Variants in RFTN1 observed in about 807,000 individuals in gnomAD.
RFTN1 encodes the protein raftlin.
Under a neutral mutation model 46.5 loss-of-function variants are expected in RFTN1, and 26 were observed. The observed-to-expected ratio is 0.56, with a 90% CI of 0.41 to 0.78. RFTN1 has a LOEUF of 0.78. Ranked by LOEUF, RFTN1 falls within the 30% of genes least tolerant of loss-of-function variation. The pLI is 0.00. For missense variants in RFTN1, 693 were observed against 718.7 expected, an observed-to-expected ratio of 0.96 and a Z score of 0.41; for synonymous variants, 261 against 284.2, an observed-to-expected ratio of 0.92 and a Z score of 0.82.
intron 4 of RFTN1, among the ~76,000 whole-genome samples, chr3:16,396,445 C>T (rs1344159568): frequency 6.6e-6 from 1 of 152,206 alleles, no homozygotes; most frequent in Non-Finnish European, 1.5e-5. Context: ...TACAATTCCA[C>T]ACTGTCAACA....
At chr3:16,432,825 C>T (rs4685337) in intron 3 of RFTN1, among the ~76,000 whole-genome samples, 93,650 of 152,058 alleles carry the variant, frequency 0.62, 29,890 homozygotes, top group African/African-American at 0.8. Context: ...TGTGTGTTGA[C>T]GTAATGTGTG....
chr3:16,379,699 T>C (rs1271458688), intron 4 of RFTN1, among the ~76,000 whole-genome samples: 2 of 151,770 alleles, frequency 1.3e-5, no homozygotes, highest in Non-Finnish European at 2.9e-5. Flanking sequence ...TCTTCAAAAG[T>C]TAAAAAAAAC....
chr3:16,362,220 T>TA (rs2072878086), intron 6 of RFTN1, among the ~76,000 whole-genome samples: 1 of 152,228 alleles, frequency 6.6e-6, no homozygotes, highest in Non-Finnish European at 1.5e-5. Flanking sequence ...GTAAGAGCCC[T>TA]ATGGGTAAAC....
At chr3:16,464,140 G>A (rs1437880387) in intron 2 of RFTN1, among the ~76,000 whole-genome samples, 3 of 152,098 alleles carry the variant, frequency 2.0e-5, no homozygotes, top group Non-Finnish European at 4.4e-5. Flanking sequence ...TGTCTTGAAG[G>A]GAAAGCCAAC....
At chr3:16,350,235 C>A (rs1039801950) in intron 7 of RFTN1, 1 of 152,106 alleles carries the variant, frequency 6.6e-6, no homozygotes, top group Admixed American at 6.5e-5. Context: ...ATATATTATC[C>A]TTTGTTTAAC....
rs758887586 is a variant in RFTN1 at position 16,329,306 on chromosome 3, C to A, written c.1147-2430G>T. On this transcript the variant is annotated intron_variant, in intron 7 of 9. Coordinates refer to ENST00000334133, the MANE Select transcript of RFTN1 (RefSeq NM_015150.2). This position sits in a 1 kb window ranked among gnomAD's most constrained non-coding sequence, Gnocchi z 4.5. ...TTGCCTGATCTCAGGTATCCTGTTA[C>A]AACAGCACAAGTGGACCGAGACAGG... Among the ~76,000 whole-genome samples the A allele has an allele frequency of 2.0e-5, 3 of 152,028 alleles. No homozygotes were observed. Among genetic ancestry groups the A allele is most frequent in the Non-Finnish European group, 2.9e-5 (2 of 68,020 alleles).
rs1405107158 is a variant in RFTN1 at position 16,489,727 on chromosome 3, G to A, written c.145+3998C>T. Among the ~76,000 whole-genome samples, 1 of 152,094 alleles carries A rather than the reference G, an allele frequency of 6.6e-6. No individual in the cohort carries two copies. Among genetic ancestry groups the A allele is most frequent in the Non-Finnish European group, 1.5e-5 (1 of 68,014 alleles). ...GTTCAAGACCAGCCTGGCCAACATTGTGAAACCCCATCTCTACTAAAAATA... is the reference window on the plus strand; with the variant it reads ...GTTCAAGACCAGCCTGGCCAACATTATGAAACCCCATCTCTACTAAAAATA... On this transcript the variant is annotated intron_variant, in intron 2 of 9. Coordinates refer to ENST00000334133, the MANE Select transcript of RFTN1 (RefSeq NM_015150.2). The surrounding 1 kb of genome is among the most constrained non-coding windows in gnomAD (Gnocchi z 4.0).
rs1395018066 is a variant in RFTN1 at position 16,433,475 on chromosome 3, A to G, written c.332+376T>C. ...GACATTAAGTTTGTCTATAGCCTCT[A>G]AACAAAATTATTTGTTTTCCAGTCA... On this transcript the variant is annotated intron_variant, in intron 3 of 9. Coordinates refer to ENST00000334133, the MANE Select transcript of RFTN1 (RefSeq NM_015150.2). The surrounding 1 kb of genome is among the most constrained non-coding windows in gnomAD (Gnocchi z 4.4). Among the ~76,000 whole-genome samples, 5 of 152,230 alleles carry G rather than the reference A, an allele frequency of 3.3e-5. No homozygotes were observed. The highest frequency in any genetic ancestry group is 7.3e-5 in the Non-Finnish European group (5 of 68,042).
In RFTN1 at chr3:16,403,883, T is replaced by C. The variant is rs868147976; in HGVS notation, c.441+5492A>G. Among the ~76,000 whole-genome samples, 2 of 4,242 alleles carry C rather than the reference T, an allele frequency of 4.7e-4. 1 individual carries two copies. Among genetic ancestry groups the C allele is most frequent in the East Asian group, 0.091 (2 of 22 alleles). The allele number at this position is 4,242 out of a possible 152,430, so 2.8% of individuals were successfully genotyped here. On this transcript the variant is annotated intron_variant, in intron 4 of 9. Coordinates refer to ENST00000334133, the MANE Select transcript of RFTN1 (RefSeq NM_015150.2). Reference sequence around the variant, plus strand: ...ATATATTATATTATATTTATATATATATATAATATATATTTTATATATATT... The same window carrying C: ...ATATATTATATTATATTTATATATACATATAATATATATTTTATATATATT...
intron 2 of RFTN1, among the ~76,000 whole-genome samples, chr3:16,471,406 G>C (rs567511038): frequency 6.6e-6 from 1 of 152,142 alleles, no homozygotes; most frequent in Non-Finnish European, 1.5e-5. Context: ...AGCCTCTCTG[G>C]ACATCAGTTT....
At chr3:16,406,048 GTT>G (rs1374992770) in intron 4 of RFTN1, among the ~76,000 whole-genome samples, 1 of 152,174 alleles carries the variant, frequency 6.6e-6, no homozygotes, top group Non-Finnish European at 1.5e-5. Flanking sequence ...ACCACAAATG[GTT>G]TTTAGCATAC....
intron 6 of RFTN1, among the ~76,000 whole-genome samples, chr3:16,364,031 G>A (rs1335225241): frequency 6.6e-6 from 1 of 152,214 alleles, no homozygotes; most frequent in Non-Finnish European, 1.5e-5. Context: ...CAAAGAATGA[G>A]CAAGGCTGCT....
At chr3:16,436,768 G>A (rs979279962) in intron 2 of RFTN1, among the ~76,000 whole-genome samples, 1 of 152,080 alleles carries the variant, frequency 6.6e-6, no homozygotes, top group Non-Finnish European at 1.5e-5. Context: ...GTTTATGACT[G>A]TGATCCATTA....
chr3:16,418,553 G>GA lies in RFTN1; in HGVS notation c.333-9071dup, dbSNP rs1288805784. Among the ~76,000 whole-genome samples the GA allele has an allele frequency of 6.6e-6, 1 of 151,740 alleles. No homozygotes were observed. The highest frequency in any genetic ancestry group is 1.5e-5 in the Non-Finnish European group (1 of 67,926). On this transcript the variant is annotated intron_variant, in intron 3 of 9. Transcript: ENST00000334133. The surrounding 1 kb of genome is among the most constrained non-coding windows in gnomAD (Gnocchi z 5.0). The stretch of plus-strand genomic sequence containing the variant: ...GATTACTAGGCACTTCTCCAGCCAG[G>GA]AAAAAAAATACTAAACGTCAGTTGA...
rs2076763305 is a variant in RFTN1 at position 16,504,240 on chromosome 3, GA to G, written c.-9+9201del. 6.6e-6 allele frequency among the ~76,000 whole-genome samples: 1 copy of G among 152,116 alleles called. No individual in the cohort carries two copies. Among genetic ancestry groups the G allele is most frequent in the Non-Finnish European group, 1.5e-5 (1 of 68,018 alleles). On this transcript the variant is annotated intron_variant, in intron 1 of 9. Transcript: ENST00000334133. This position sits in a 1 kb window ranked among gnomAD's most constrained non-coding sequence, Gnocchi z 4.4. ...TTCAGAAAAATAGCACACATAAACT[GA>G]AAGAAGAAATATTTTTTCTTTCATT...
intron 1 of RFTN1, 98 bp from the exon 2 acceptor site, chr3:16,493,975 A>G (rs2076584421): frequency 7.6e-7 from 1 of 1,322,198 alleles, no homozygotes; most frequent in African/African-American, 1.5e-5. Context: ...CCTGAAGAAT[A>G]CATGACAGAC....
At position 16,425,798 on chromosome 3, in the gene RFTN1, G is replaced by A. The variant is rs1202590716; in HGVS notation, c.332+8053C>T. Among the ~76,000 whole-genome samples, 1 of 152,060 alleles carries A rather than the reference G, an allele frequency of 6.6e-6. No individual in the cohort carries two copies. Among genetic ancestry groups the A allele is most frequent in the South Asian group, 2.1e-4 (1 of 4,808 alleles). ...AAGGGTGTCACTCCAGAGTGAGATGGGAAAATAAGAGGAATAAATTAAGGT... is the reference window on the plus strand; with the variant it reads ...AAGGGTGTCACTCCAGAGTGAGATGAGAAAATAAGAGGAATAAATTAAGGT... On this transcript the variant is annotated intron_variant, in intron 3 of 9. Transcript: ENST00000334133. This position sits in a 1 kb window ranked among gnomAD's most constrained non-coding sequence, Gnocchi z 4.3.
rs1160080694 is a variant in RFTN1, at chr3:16,346,605, G to T, written c.1146+11327C>A. On this transcript the variant is annotated intron_variant, in intron 7 of 9. Transcript: ENST00000334133. The surrounding 1 kb of genome is among the most constrained non-coding windows in gnomAD (Gnocchi z 4.4). Reference sequence around the variant, plus strand: ...CTTCTTCCTCACTGACACCCCCCAGGCCTGGACAACCATGACTCTTGACAA... The same window carrying T: ...CTTCTTCCTCACTGACACCCCCCAGTCCTGGACAACCATGACTCTTGACAA... Among the ~76,000 whole-genome samples the T allele has an allele frequency of 1.3e-5, 2 of 152,086 alleles. No homozygotes were observed. Among genetic ancestry groups the T allele is most frequent in the African/African-American group, 2.4e-5 (1 of 41,402 alleles).
chr3:16,396,946 C>G (rs1383985708), intron 4 of RFTN1, among the ~76,000 whole-genome samples: 1 of 151,660 alleles, frequency 6.6e-6, no homozygotes, highest in Non-Finnish European at 1.5e-5. Flanking sequence ...ACCTGTAATC[C>G]CAGCTACTCG....
Sources: gnomAD v4.1 joint callset for allele counts (sites outside exome capture counted in the v4.1 genomes callset) on GRCh38, gnomAD v4.1.1 for gene constraint, Gnocchi (gnomAD v3.1) non-coding constraint, MANE v1.5 for transcripts, NCBI Gene and HGNC (gene_info 2026-07-23, HGNC 2026-07-21) for gene names.